SDHA: variants seen among roughly 807,000 people sequenced by gnomAD.
SDHA encodes succinate dehydrogenase complex flavoprotein subunit A.
In SDHA, 48 loss-of-function variants were observed where a neutral mutation model predicts 78.4. The ratio of observed to expected loss-of-function variants is 0.61; its 90% confidence interval spans 0.49 to 0.78. SDHA has a LOEUF of 0.78. Among genes scored for constraint, SDHA ranks in the 30% least tolerant of loss-of-function variants. The pLI, the probability that SDHA is intolerant of heterozygous loss-of-function variation, is 0.00. For missense variants in SDHA, 680 were observed against 892.7 expected, an observed-to-expected ratio of 0.76 and a Z score of 3.04; for synonymous variants, 326 against 353.9, an observed-to-expected ratio of 0.92 and a Z score of 0.88.
the SDHA span, among the ~76,000 whole-genome samples, chr5:267,848 G>A: frequency 6.6e-6 from 1 of 152,250 alleles, no homozygotes; most frequent in Non-Finnish European, 1.5e-5. Flanking sequence ...GATTGGGTCA[G>A]CAGAACCAGG....
At chr5:246,620 T>C (rs1034360039) in intron 11 of SDHA, among the ~76,000 whole-genome samples, 8 of 152,268 alleles carry the variant, frequency 5.3e-5, no homozygotes, top group Non-Finnish European at 7.3e-5. Flanking sequence ...GGTGTTATTG[T>C]TCAAGAGCAA....
At chr5:240,211 G>A (rs1249224259) in intron 10 of SDHA, 147 bp from the exon 11 acceptor site, 1 of 660,864 alleles carries the variant, frequency 1.5e-6, no homozygotes, top group Non-Finnish European at 2.8e-6. Flanking sequence ...CAGCTGTAGG[G>A]TGGGCTGGCA....
At chr5:262,253 C>T in the SDHA span, among the ~76,000 whole-genome samples, 37 of 87,036 alleles carry the variant, frequency 4.3e-4, 2 homozygotes, top group African/African-American at 1.3e-3. Flanking sequence ...CTCCGCCTCC[C>T]GTCACAGCAT....
rs1355760590 is a variant in SDHA, at chr5:233,505, G to A, written c.924G>A (p.Thr308=). 2.5e-6 allele frequency: 4 copies of A among 1,614,186 alleles called. No individual in the cohort carries two copies. The highest frequency in any genetic ancestry group is 3.4e-6 in the Non-Finnish European group (4 of 1,180,010). Residue 308 remains threonine (T), a synonymous_variant, in exon 8 of 15, where the codon ACG becomes ACA. Coordinates refer to ENST00000264932, the MANE Select transcript of SDHA (RefSeq NM_004168.4). ...TATATGGTGCTGGTTGTCTCATTAC[G>A]GAAGGATGTCGTGGAGAGGGAGGCA... ...TGIYGAGCLI[T]EGCRGEGGIL...
At chr5:268,006 C>T in the SDHA span, among the ~76,000 whole-genome samples, 3 of 152,112 alleles carry the variant, frequency 2.0e-5, no homozygotes, top group Non-Finnish European at 4.4e-5. Flanking sequence ...ACAATGTTGT[C>T]CCAAGCAGCA....
intron 9 of SDHA, 162 bp from the exon 10 acceptor site, chr5:236,253 GACCTCAGGTGATC>G (rs1267493096): frequency 1.5e-6 from 1 of 685,382 alleles, no homozygotes; most frequent in Non-Finnish European, 2.7e-6. Context: ...TTGAACCCCT[GACCTCAGGTGATC>G]ACCCACCTCA....
At chr5:230,714 G>A (rs1396089372) in intron 6 of SDHA, among the ~76,000 whole-genome samples, 162 bp from the exon 7 acceptor site, 2 of 152,148 alleles carry the variant, frequency 1.3e-5, no homozygotes, top group Non-Finnish European at 2.9e-5. Context: ...CCAGTGGCGC[G>A]GCCCCTAGTG....
At chr5:242,745 C>T (rs1295626549) in intron 11 of SDHA, among the ~76,000 whole-genome samples, 1 of 152,216 alleles carries the variant, frequency 6.6e-6, no homozygotes, top group Non-Finnish European at 1.5e-5. Flanking sequence ...CCTGAGTACT[C>T]TTACGCAGTC....
rs756351128 is a variant in SDHA, at chr5:225,957, C to G, written c.531C>G (p.Ser177Arg). The G allele has an allele frequency of 6.2e-7, 1 of 1,613,946 alleles. No individual in the cohort carries two copies. Among genetic ancestry groups the G allele is most frequent in the Non-Finnish European group, 8.5e-7 (1 of 1,180,032 alleles). ...ATCAGCGTGCATTTGGTGGACAGAG[C>G]CTCAAGTTTGGAAAGGGCGGGCAGG... Reference protein sequence around the residue: ...KIYQRAFGGQSLKFGKGGQAH... With the variant: ...KIYQRAFGGQRLKFGKGGQAH... Residue 177 changes from serine to arginine, a missense_variant, in exon 5 of 15, where the codon AGC becomes AGG. Transcript: ENST00000264932.
rs954836697 is a variant in SDHA at position 256,462 on chromosome 5, A to G, written c.*42A>G. On this transcript the variant is annotated 3_prime_UTR_variant, in exon 15 of 15. Transcript: ENST00000264932. Reference sequence around the variant, plus strand: ...GATGACAGAATCAGCTTTTGTAATTATGTATAATAGCTCATGCATGTGTCC... The same window carrying G: ...GATGACAGAATCAGCTTTTGTAATTGTGTATAATAGCTCATGCATGTGTCC... 2.0e-6 allele frequency: 3 copies of G among 1,472,322 alleles called. No homozygotes were observed. In the African/African-American group the frequency reaches 4.2e-5, roughly 21 times the overall value. 91.2% of individuals were successfully genotyped at this position (1,472,322 alleles called of 1,614,324 possible).
intron 11 of SDHA, among the ~76,000 whole-genome samples, chr5:246,790 A>C (rs544092764): frequency 3.3e-5 from 5 of 152,362 alleles, no homozygotes; most frequent in African/African-American, 1.2e-4. Flanking sequence ...TAATTCATGG[A>C]CTCTAACTCC....
At chr5:259,503 T>C (rs1427804767), downstream of SDHA, among the ~76,000 whole-genome samples, 4 of 21,904 alleles carry the variant, frequency 1.8e-4, no homozygotes, top group East Asian at 1.9e-3. Context: ...CCGCCTCCTG[T>C]CACAGCATTA....
chr5:254,371 G>A (rs185310988), intron 13 of SDHA, 22 bp from the exon 14 acceptor site: 111 of 1,570,414 alleles, frequency 7.1e-5, no homozygotes, highest in East Asian at 1.4e-4. Context: ...AATAAGAAAC[G>A]TGATGGTGTT....
At chr5:225,374 T>G (rs1192556703) in intron 3 of SDHA, 45 bp from the exon 4 acceptor site, 5 of 1,611,880 alleles carry the variant, frequency 3.1e-6, no homozygotes, top group Non-Finnish European at 3.4e-6. Flanking sequence ...AAGACAAAGT[T>G]GGCGCTCCTG....
At chr5:264,719 TGTC>T in the SDHA span, among the ~76,000 whole-genome samples, 1 of 152,204 alleles carries the variant, frequency 6.6e-6, no homozygotes, top group Non-Finnish European at 1.5e-5. Context: ...TTACTTCGTG[TGTC>T]ATCAGAGCAT....
At chr5:245,471 C>T (rs1252036721) in intron 11 of SDHA, among the ~76,000 whole-genome samples, 1 of 152,200 alleles carries the variant, frequency 6.6e-6, no homozygotes, top group African/African-American at 2.4e-5. Flanking sequence ...AACAGTCCAA[C>T]GATTTGCCAG....
the SDHA span, among the ~76,000 whole-genome samples, chr5:268,300 A>C: frequency 6.6e-6 from 1 of 151,476 alleles, no homozygotes; most frequent in Non-Finnish European, 1.5e-5. Context: ...CTCCTGCCTC[A>C]GCCTCCCAAG....
intron 11 of SDHA, among the ~76,000 whole-genome samples, chr5:244,290 A>G (rs74631658): frequency 0.27 from 40,025 of 151,032 alleles, 6,722 homozygotes; most frequent in African/African-American, 0.53. Flanking sequence ...CCTTGCAAGC[A>G]GGGACGATAG....
At chr5:266,988 G>A in the SDHA span, among the ~76,000 whole-genome samples, 4 of 148,776 alleles carry the variant, frequency 2.7e-5, no homozygotes, top group African/African-American at 1.0e-4. Context: ...CTCTGCACTG[G>A]ACAGTGCAGC....
Sources: gnomAD v4.1 joint callset for allele counts (sites outside exome capture counted in the v4.1 genomes callset) on GRCh38, gnomAD v4.1.1 for gene constraint, MANE v1.5 for transcripts, NCBI Gene and HGNC (gene_info 2026-07-23, HGNC 2026-07-21) for gene names.